Variants in MYO5B observed in about 807,000 individuals in gnomAD.
MYO5B encodes the protein unconventional myosin-Vb.
Under a neutral mutation model 229.3 loss-of-function variants are expected in MYO5B, and 143 were observed. The ratio of observed to expected loss-of-function variants is 0.62; its 90% confidence interval spans 0.54 to 0.72. The LOEUF (loss-of-function observed/expected upper bound fraction) is 0.72, where lower values mean the gene tolerates loss of function less well. Among genes scored for constraint, MYO5B ranks in the 30% least tolerant of loss-of-function variants. The probability of loss-of-function intolerance (pLI) is 0.00; values close to 1 mark genes in which losing one functional copy is unlikely to be tolerated. For missense variants in MYO5B, 2,321 were observed against 2,331.0 expected, an observed-to-expected ratio of 1.00 and a Z score of 0.09; for synonymous variants, 918 against 885.2, an observed-to-expected ratio of 1.04 and a Z score of -0.66.
At chr18:49,959,849 G>A (rs1302065586) in intron 12 of MYO5B, among the ~76,000 whole-genome samples, 1 of 152,176 alleles carries the variant, frequency 6.6e-6, no homozygotes, top group African/African-American at 2.4e-5. Flanking sequence ...AGACATCTTT[G>A]GAGAGTCTTG....
intron 32 of MYO5B, among the ~76,000 whole-genome samples, chr18:49,848,495 A>G (rs989804207): frequency 3.3e-5 from 5 of 152,126 alleles, no homozygotes; most frequent in Non-Finnish European, 7.4e-5. Context: ...GGAGGCTCTG[A>G]GTGGAGGTGG....
chr18:49,917,716 G>A (rs895423993), intron 17 of MYO5B, among the ~76,000 whole-genome samples: 7 of 152,160 alleles, frequency 4.6e-5, no homozygotes, highest in Non-Finnish European at 8.8e-5. Flanking sequence ...CAAGTCTAGT[G>A]ACTCCAGGAA....
chr18:50,000,973 A>C (rs935818726), intron 5 of MYO5B, among the ~76,000 whole-genome samples: 10 of 152,188 alleles, frequency 6.6e-5, no homozygotes, highest in Non-Finnish European at 7.3e-5. Context: ...ACAGCAACAG[A>C]GGTGGAGGAG....
At chr18:50,105,177 G>C (rs1284803705) in intron 1 of MYO5B, among the ~76,000 whole-genome samples, 1 of 150,840 alleles carries the variant, frequency 6.6e-6, no homozygotes, top group Non-Finnish European at 1.5e-5. Flanking sequence ...AGCAGTCAGG[G>C]TGTAAGCAAG....
chr18:50,003,163 C>T (rs1209498259), intron 4 of MYO5B, among the ~76,000 whole-genome samples: 1 of 152,200 alleles, frequency 6.6e-6, no homozygotes, highest in African/African-American at 2.4e-5. Flanking sequence ...TCTTCAAGGT[C>T]AGCAAGAAGT....
In MYO5B at chr18:50,104,745, C is replaced by T. The variant is rs541426728; in HGVS notation, c.28-49367G>A. 7.9e-5 allele frequency among the ~76,000 whole-genome samples: 12 copies of T among 152,262 alleles called. No individual in the cohort carries two copies. In the South Asian group the frequency reaches 2.1e-3, roughly 26 times the overall value. ...AGCCTTTTCCCTAAGTTTGAAATTG[C>T]TGGGTCCTAGGGGAAAATTCTTTTA... On this transcript the variant is annotated intron_variant, in intron 1 of 39. Transcript: ENST00000285039.
At chr18:50,140,893 G>A (rs1254285961) in intron 1 of MYO5B, among the ~76,000 whole-genome samples, 2 of 152,236 alleles carry the variant, frequency 1.3e-5, no homozygotes, top group Admixed American at 1.3e-4. Flanking sequence ...GCCAAAGGAA[G>A]AGATGCATAG....
At chr18:49,981,341 A>G (rs1296666380) in intron 8 of MYO5B, among the ~76,000 whole-genome samples, 2 of 152,200 alleles carry the variant, frequency 1.3e-5, no homozygotes, top group Non-Finnish European at 2.9e-5. Context: ...TGCTCTCCCC[A>G]TTCCTCCCAG....
rs111760649 is a variant in MYO5B at position 50,125,876 on chromosome 18, T to C, written c.27+68891A>G. On this transcript the variant is annotated intron_variant, in intron 1 of 39. Transcript: ENST00000285039. ...CTATCACATGGATGAACCTTCAGGA[T>C]GCTATGCTAAGAGAAATAAGCCAGA... 7.9e-4 allele frequency among the ~76,000 whole-genome samples: 121 copies of C among 152,320 alleles called. 1 individual carries two copies. The highest frequency in any genetic ancestry group is 6.8e-3 in the South Asian group (33 of 4,828).
At chr18:50,107,076 C>A (rs1450288608) in intron 1 of MYO5B, among the ~76,000 whole-genome samples, 1 of 145,186 alleles carries the variant, frequency 6.9e-6, no homozygotes, top group Non-Finnish European at 1.5e-5. Flanking sequence ...TTGGAGATTG[C>A]CTGGTCCAGG....
At chr18:50,048,188 C>T (rs754631387) in intron 2 of MYO5B, among the ~76,000 whole-genome samples, 24 of 150,220 alleles carry the variant, frequency 1.6e-4, no homozygotes, top group Middle Eastern at 3.4e-3. Flanking sequence ...TAAGTTTTAT[C>T]ACCATCTTCT....
intron 2 of MYO5B, among the ~76,000 whole-genome samples, chr18:50,041,152 C>T (rs190007900): frequency 1.8e-3 from 281 of 152,242 alleles, no homozygotes; most frequent in African/African-American, 5.5e-3. Context: ...TCTTCTGAGA[C>T]GCTTATAAAG....
intron 8 of MYO5B, among the ~76,000 whole-genome samples, 158 bp from the exon 9 acceptor site, chr18:49,980,711 C>T (rs1032968529): frequency 1.3e-5 from 2 of 151,970 alleles, no homozygotes; most frequent in Non-Finnish European, 2.9e-5. Flanking sequence ...CAAGTAATTA[C>T]CACTCACAGT....
At chr18:50,135,229 T>C (rs2032317495) in intron 1 of MYO5B, among the ~76,000 whole-genome samples, 1 of 152,186 alleles carries the variant, frequency 6.6e-6, no homozygotes, top group African/African-American at 2.4e-5. Flanking sequence ...ATAGCCACAT[T>C]TCCTTCCAAT....
chr18:49,913,728 C>T (rs998911199), intron 17 of MYO5B, among the ~76,000 whole-genome samples: 20 of 152,050 alleles, frequency 1.3e-4, no homozygotes, highest in Admixed American at 1.2e-3. Context: ...TTTTTGCAAC[C>T]AAAAAGTTGC....
At chr18:50,129,515 A>G (rs1426325827) in intron 1 of MYO5B, among the ~76,000 whole-genome samples, 1 of 152,226 alleles carries the variant, frequency 6.6e-6, no homozygotes, top group Non-Finnish European at 1.5e-5. Context: ...AGCTAATACC[A>G]GAGATGTGAT....
chr18:49,975,036 T>C (rs1029196464), intron 9 of MYO5B, among the ~76,000 whole-genome samples: 1 of 152,226 alleles, frequency 6.6e-6, no homozygotes, highest in Non-Finnish European at 1.5e-5. Context: ...CTTATGACCA[T>C]GCAATCCATT....
intron 1 of MYO5B, among the ~76,000 whole-genome samples, chr18:50,143,613 A>G (rs963109421): frequency 3.3e-5 from 5 of 152,360 alleles, no homozygotes; most frequent in South Asian, 2.1e-4. Context: ...GGAAGAATAA[A>G]AAGTTCTATA....
chr18:50,115,547 G>GACAC (rs56886992), intron 1 of MYO5B, among the ~76,000 whole-genome samples: 205 of 125,178 alleles, frequency 1.6e-3, no homozygotes, highest in African/African-American at 3.5e-3. Flanking sequence ...CACACAGAGA[G>GACAC]ACACACACAC....
Sources: allele counts gnomAD v4.1 joint callset (sites outside exome capture counted in the v4.1 genomes callset), GRCh38; gene constraint gnomAD v4.1.1; transcripts MANE v1.5; gene names NCBI Gene and HGNC (gene_info 2026-07-23, HGNC 2026-07-21).